Variants in KLHL13 observed in about 807,000 individuals in gnomAD.
The protein encoded by KLHL13 is kelch like family member 13.
KLHL13 carries 10 observed loss-of-function variants against 37.1 expected under a neutral mutation model. That is an observed-to-expected ratio of 0.27 (90% CI 0.17 to 0.46). KLHL13 has a LOEUF of 0.46. Among genes scored for constraint, KLHL13 ranks in the 20% least tolerant of loss-of-function variants. KLHL13 has a pLI of 1.00. For synonymous variants in KLHL13, 163 were observed against 181.2 expected, an observed-to-expected ratio of 0.90 and a Z score of 0.81; for missense variants, 360 against 509.3, an observed-to-expected ratio of 0.71 and a Z score of 2.82.
intron 1 of KLHL13, among the ~76,000 whole-genome samples, chrX:118,089,053 T>C (rs1731003767): frequency 9.0e-6 from 1 of 111,483 alleles, no homozygotes; most frequent in Non-Finnish European, 1.9e-5. Context: ...GGGCAGAATA[T>C]TAGGACAGAA....
chrX:117,912,841 T>C (rs6645415), intron 4 of KLHL13, among the ~76,000 whole-genome samples: 11,492 of 111,560 alleles, frequency 0.1, 601 homozygotes, highest in African/African-American at 0.2. Flanking sequence ...CAACAGCTAC[T>C]ATACTGTGAG....
intron 2 of KLHL13, among the ~76,000 whole-genome samples, chrX:117,936,478 C>A (rs753262714): frequency 3.6e-5 from 4 of 112,024 alleles, no homozygotes; most frequent in African/African-American, 6.5e-5. Context: ...CCCATAACTT[C>A]TTTTTTTATT....
intron 1 of KLHL13, among the ~76,000 whole-genome samples, chrX:118,041,470 A>C (rs1382519668): frequency 1.8e-5 from 2 of 111,505 alleles, no homozygotes; most frequent in Non-Finnish European, 3.8e-5. Context: ...TCGAGGCTAC[A>C]GTGAGCTGAG....
At chrX:118,025,370 G>C (rs973929722) in intron 1 of KLHL13, among the ~76,000 whole-genome samples, 1 of 111,562 alleles carries the variant, frequency 9.0e-6, no homozygotes, top group African/African-American at 3.3e-5. Flanking sequence ...TGAGTAAGAT[G>C]ATGAAATCTT....
chrX:117,962,980 T>C, intron 1 of KLHL13, among the ~76,000 whole-genome samples: 1 of 112,456 alleles, frequency 8.9e-6, no homozygotes, highest in East Asian at 2.8e-4. Context: ...TAAATTGTAT[T>C]ACATTTAACT....
chrX:117,980,513 A>G (rs2053648650), intron 1 of KLHL13, among the ~76,000 whole-genome samples: 1 of 111,711 alleles, frequency 9.0e-6, no homozygotes, highest in Non-Finnish European at 1.9e-5. Context: ...TGAGGTTAGA[A>G]GATCACCTGG....
At chrX:117,977,281 T>C (rs955779831), upstream of KLHL13, among the ~76,000 whole-genome samples, 3 of 112,103 alleles carry the variant, frequency 2.7e-5, no homozygotes, top group African/African-American at 9.7e-5. Context: ...TTCCAGAAGA[T>C]GTTTAAGAAT....
intron 1 of KLHL13, among the ~76,000 whole-genome samples, chrX:117,986,076 AC>A (rs2053722568): frequency 9.0e-6 from 1 of 111,680 alleles, no homozygotes; most frequent in Admixed American, 9.6e-5. Flanking sequence ...GTAAAGGTGA[AC>A]CAGACACAAT....
intron 1 of KLHL13, among the ~76,000 whole-genome samples, chrX:118,113,416 T>A (rs1005924008): frequency 2.7e-5 from 3 of 112,394 alleles, no homozygotes; most frequent in Non-Finnish European, 5.6e-5. Flanking sequence ...AAATTCTTTC[T>A]CAGGACCTCC....
intron 2 of KLHL13, 112 bp downstream of exon 3, chrX:117,945,322 A>G (rs978016031): frequency 2.8e-6 from 2 of 707,490 alleles, no homozygotes; most frequent in Non-Finnish European, 4.1e-6. Context: ...TACATTTCCT[A>G]TTCACACATA....
intron 1 of KLHL13, among the ~76,000 whole-genome samples, chrX:118,041,418 T>C (rs940224529): frequency 2.7e-5 from 3 of 110,715 alleles, no homozygotes; most frequent in Non-Finnish European, 5.7e-5. Context: ...TCCCAGCTAC[T>C]AGGGAGGTTG....
chrX:117,947,082 G>C (rs993614617), intron 1 of KLHL13: 1 of 111,897 alleles, frequency 8.9e-6, no homozygotes, highest in African/African-American at 3.2e-5. Context: ...CCTTCCACCA[G>C]AGTTTCAGAG....
At chrX:117,903,857 T>C (rs781492274) in intron 5 of KLHL13, among the ~76,000 whole-genome samples, 16 of 111,415 alleles carry the variant, frequency 1.4e-4, no homozygotes, top group Non-Finnish European at 2.8e-4. Context: ...GACTTAAACT[T>C]TGAAATTTTT....
intron 1 of KLHL13, among the ~76,000 whole-genome samples, chrX:118,013,892 G>T (rs1171575772): frequency 1.8e-5 from 2 of 112,302 alleles, no homozygotes; most frequent in African/African-American, 6.5e-5. Flanking sequence ...AAATTGTGAA[G>T]ATTTCATGGA....
chrX:117,961,406 G>A (rs1171849060), intron 1 of KLHL13, among the ~76,000 whole-genome samples: 1 of 112,179 alleles, frequency 8.9e-6, no homozygotes, highest in Non-Finnish European at 1.9e-5. Context: ...GCATGTGTAA[G>A]CCCAACATGA....
chrX:118,039,934 G>A (rs941047612), intron 1 of KLHL13, among the ~76,000 whole-genome samples: 2 of 111,389 alleles, frequency 1.8e-5, no homozygotes, highest in African/African-American at 3.3e-5. Flanking sequence ...TAGGGGAAGA[G>A]AACAAGGGTC....
At chrX:117,974,195 A>G (rs2053569347), upstream of KLHL13, among the ~76,000 whole-genome samples, 1 of 111,750 alleles carries the variant, frequency 8.9e-6, no homozygotes, top group Non-Finnish European at 1.9e-5. Context: ...ATTATGCTGA[A>G]CTGTTTATTT....
intron 1 of KLHL13, chrX:117,946,398 C>G (rs1933319889): frequency 8.9e-6 from 1 of 112,043 alleles, no homozygotes; most frequent in Non-Finnish European, 1.9e-5. Context: ...GAACCTTAGT[C>G]AGTAGGTCAC....
intron 1 of KLHL13, among the ~76,000 whole-genome samples, chrX:118,099,063 A>G (rs1164841240): frequency 9.2e-6 from 1 of 108,785 alleles, no homozygotes; most frequent in African/African-American, 3.3e-5. Context: ...TACATATGTA[A>G]CAAACCTGCA....
Sources: allele counts gnomAD v4.1 joint callset (sites outside exome capture counted in the v4.1 genomes callset), GRCh38; gene constraint gnomAD v4.1.1; transcripts MANE v1.5; gene names NCBI Gene and HGNC (gene_info 2026-07-23, HGNC 2026-07-21).